Variants in PLD5 observed in about 807,000 individuals in gnomAD.
PLD5 encodes the protein inactive phospholipase D5.
Under a neutral mutation model 61.1 loss-of-function variants are expected in PLD5, and 36 were observed. The ratio of observed to expected loss-of-function variants is 0.59; its 90% CI spans 0.45 to 0.78. The LOEUF is 0.78. Among genes scored for constraint, PLD5 ranks in the 30% least tolerant of loss-of-function variants. The pLI is 0.00. For missense variants in PLD5, 515 were observed against 644.4 expected (o/e 0.80, Z 2.17); for synonymous variants, 243 against 242.8 (o/e 1.00, Z -0.01).
intron 2 of PLD5, among the ~76,000 whole-genome samples, chr1:242,306,071 G>A (rs1847098): frequency 0.91 from 135,789 of 149,548 alleles, 61,622 homozygotes; most frequent in East Asian, 0.95. Flanking sequence ...AGGCCCTGGG[G>A]CTCCAGCTTT....
At chr1:242,522,889 G>C (rs1035294906) in intron 1 of PLD5, among the ~76,000 whole-genome samples, 2 of 152,176 alleles carry the variant, frequency 1.3e-5, no homozygotes, top group East Asian at 3.9e-4. Context: ...CCAACTCAAA[G>C]CTTCATATTA....
intron 1 of PLD5, chr1:242,377,339 C>T: frequency 6.2e-7 from 1 of 1,605,718 alleles, no homozygotes; most frequent in East Asian, 2.2e-5. Flanking sequence ...TCAGCTTTTT[C>T]AGTGGTTGAG....
At chr1:242,131,692 A>G (rs749843447) in intron 5 of PLD5, among the ~76,000 whole-genome samples, 2 of 152,178 alleles carry the variant, frequency 1.3e-5, no homozygotes, top group African/African-American at 2.4e-5. Flanking sequence ...TGGCAAGACT[A>G]GGCATTCCCT....
At chr1:242,356,647 T>G (rs186159957) in intron 1 of PLD5, among the ~76,000 whole-genome samples, 2 of 151,660 alleles carry the variant, frequency 1.3e-5, no homozygotes, top group Non-Finnish European at 2.9e-5. Context: ...TCCTGTCTTG[T>G]TGTTTTCCTT....
chr1:242,308,911 G>T (rs561837134), intron 2 of PLD5, among the ~76,000 whole-genome samples: 8 of 152,090 alleles, frequency 5.3e-5, no homozygotes, highest in Admixed American at 4.6e-4. Context: ...TTCTGCACTC[G>T]TTATTTTGGG....
chr1:242,308,445 A>G (rs1676502324), intron 2 of PLD5, among the ~76,000 whole-genome samples: 1 of 152,232 alleles, frequency 6.6e-6, no homozygotes, highest in Non-Finnish European at 1.5e-5. Context: ...TGCAAGAGAT[A>G]CTTTTAAAGG....
intron 8 of PLD5, among the ~76,000 whole-genome samples, chr1:242,105,678 A>G (rs1002450795): frequency 2.0e-5 from 3 of 152,192 alleles, no homozygotes; most frequent in African/African-American, 7.2e-5. Context: ...CTAAAGCTCA[A>G]TAATAGAAAA....
In PLD5 at chr1:242,124,530, A is replaced by G. The variant is rs1353000200; in HGVS notation, c.871T>C (p.Tyr291His). The G allele has an allele frequency of 1.9e-6, 3 of 1,614,014 alleles. No homozygotes were observed. Among genetic ancestry groups the G allele is most frequent in the Non-Finnish European group, 2.5e-6 (3 of 1,179,996 alleles). The change falls in exon 6 of 10, where the codon TAT becomes CAT. Residue 291 changes from tyrosine (Y) to histidine (H), a missense_variant. Transcript: ENST00000536534. ...AGTTGCAATTTCTTTTCATTGTCAT[A>G]GACTCCATAGAGTCTTTTGGACCAG... is the stretch of plus-strand genomic sequence containing the variant. ...QTWSKRLYGV[Y>H]DNEKKLQLQL...
At chr1:242,274,809 T>TGTAATCAA (rs1345476987) in intron 3 of PLD5, among the ~76,000 whole-genome samples, 1 of 152,016 alleles carries the variant, frequency 6.6e-6, no homozygotes, top group Non-Finnish European at 1.5e-5. Flanking sequence ...AGATGCTTTT[T>TGTAATCAA]GTAATCAAGG....
At chr1:242,472,295 T>C (rs1667469188) in intron 1 of PLD5, among the ~76,000 whole-genome samples, 1 of 152,172 alleles carries the variant, frequency 6.6e-6, no homozygotes, top group South Asian at 2.1e-4. Context: ...TCTCAGATGG[T>C]TGATGAATAA....
chr1:242,423,356 A>G (rs956134594), intron 1 of PLD5, among the ~76,000 whole-genome samples: 1 of 152,128 alleles, frequency 6.6e-6, no homozygotes, highest in African/African-American at 2.4e-5. Flanking sequence ...GAGATGGGGT[A>G]CATGGATAAA....
intron 1 of PLD5, among the ~76,000 whole-genome samples, chr1:242,463,190 G>A (rs1400152153): frequency 6.6e-6 from 1 of 152,148 alleles, no homozygotes; most frequent in Non-Finnish European, 1.5e-5. Flanking sequence ...ATTGATCACA[G>A]TGCCATGTCA....
At chr1:242,266,728 G>A (rs1483034837) in intron 3 of PLD5, among the ~76,000 whole-genome samples, 18 of 152,382 alleles carry the variant, frequency 1.2e-4, no homozygotes, top group Middle Eastern at 3.4e-3. Context: ...AGAATGGACT[G>A]TGGATAATGA....
chr1:242,200,347 G>T (rs1056165693), intron 5 of PLD5, among the ~76,000 whole-genome samples: 2 of 152,194 alleles, frequency 1.3e-5, no homozygotes, highest in African/African-American at 4.8e-5. Context: ...TCAGCCATGA[G>T]CTTGGAAATT....
intron 1 of PLD5, among the ~76,000 whole-genome samples, chr1:242,372,695 G>A (rs1319170175): frequency 1.3e-5 from 2 of 152,140 alleles, no homozygotes; most frequent in Admixed American, 1.3e-4. Context: ...AATGGGGAAA[G>A]GATTCCCGAT....
At chr1:242,164,944 C>G (rs1393042055) in intron 5 of PLD5, among the ~76,000 whole-genome samples, 1 of 152,184 alleles carries the variant, frequency 6.6e-6, no homozygotes, top group African/African-American at 2.4e-5. Context: ...CTTCCACAGA[C>G]CACATGACTG....
chr1:242,328,406 G>A (rs1658949939), intron 2 of PLD5, among the ~76,000 whole-genome samples: 1 of 151,720 alleles, frequency 6.6e-6, no homozygotes, highest in Admixed American at 6.6e-5. Flanking sequence ...ATAGTTGTGT[G>A]TTCTACACGT....
chr1:242,110,668 T>G (rs12130722), intron 7 of PLD5, among the ~76,000 whole-genome samples: 10,549 of 152,022 alleles, frequency 0.069, 467 homozygotes, highest in Middle Eastern at 0.18. Flanking sequence ...AAATTAGCTC[T>G]GTGTGGTGGC....
At chr1:242,481,896 T>C (rs1318544910) in intron 1 of PLD5, among the ~76,000 whole-genome samples, 1 of 152,176 alleles carries the variant, frequency 6.6e-6, no homozygotes, top group Non-Finnish European at 1.5e-5. Flanking sequence ...ACATTTGCTG[T>C]TCACCAGTAT....
Sources: gnomAD v4.1 joint callset for allele counts (sites outside exome capture counted in the v4.1 genomes callset) on GRCh38, gnomAD v4.1.1 for gene constraint, MANE v1.5 for transcripts, NCBI Gene and HGNC (gene_info 2026-07-23, HGNC 2026-07-21) for gene names.